The following CHST9 variants were observed in gnomAD, a reference collection of about 807,000 sequenced individuals.
CHST9 encodes GalNAc-4-sulfotransferase 2.
CHST9 carries 41 observed loss-of-function variants against 44.4 expected under a neutral mutation model. The ratio of observed to expected loss-of-function variants is 0.92; its 90% CI spans 0.72 to 1.20. The LOEUF (loss-of-function observed/expected upper bound fraction) is 1.20, where lower values mean the gene tolerates loss of function less well. CHST9 is among the 50% of genes most tolerant of loss of function. CHST9 has a pLI of 0.00. For missense variants in CHST9, 504 were observed against 516.5 expected, an observed-to-expected ratio of 0.98 and a Z score of 0.23; for synonymous variants, 171 against 178.4, an observed-to-expected ratio of 0.96 and a Z score of 0.33.
At position 27,180,049 on chromosome 18, in the gene CHST9, A is replaced by G. The variant is rs114323339; in HGVS notation, c.-97+5087T>C. On this transcript the variant is annotated intron_variant, in intron 1 of 5. Coordinates refer to ENST00000618847, the MANE Select transcript of CHST9 (RefSeq NM_031422.6). ...CATACTTTAAAATTTTCTCCACTCC[A>G]AGAGTCTACATTTGACTTGGCAAAT... Among the ~76,000 whole-genome samples, 736 of 152,208 alleles carry G rather than the reference A, an allele frequency of 4.8e-3. 5 individuals are homozygous for G. The highest frequency in any genetic ancestry group is 0.017 in the African/African-American group (714 of 41,556).
intron 2 of CHST9, among the ~76,000 whole-genome samples, chr18:27,114,869 A>G (rs1305734723): frequency 2.0e-5 from 3 of 152,170 alleles, no homozygotes; most frequent in Admixed American, 6.5e-5. Flanking sequence ...GTGGGTACTG[A>G]TGTGATTTGG....
At chr18:26,977,950 T>C (rs1453400810) in intron 4 of CHST9, among the ~76,000 whole-genome samples, 1 of 152,050 alleles carries the variant, frequency 6.6e-6, no homozygotes, top group East Asian at 1.9e-4. Flanking sequence ...AGCAGGAGTA[T>C]AGAAATACTC....
intron 4 of CHST9, among the ~76,000 whole-genome samples, chr18:26,968,401 A>G (rs2056495022): frequency 6.6e-6 from 1 of 152,180 alleles, no homozygotes; most frequent in South Asian, 2.1e-4. Flanking sequence ...TTTTTAACCA[A>G]CGTTTAAAAA....
At chr18:26,991,635 A>G (rs2056817256) in intron 4 of CHST9, among the ~76,000 whole-genome samples, 1 of 152,062 alleles carries the variant, frequency 6.6e-6, no homozygotes, top group Non-Finnish European at 1.5e-5. Flanking sequence ...AACTAGGGAA[A>G]CAGGAGGAAG....
At chr18:26,978,421 T>C (rs868069962) in intron 4 of CHST9, among the ~76,000 whole-genome samples, 25 of 152,196 alleles carry the variant, frequency 1.6e-4, no homozygotes, top group Admixed American at 8.5e-4. Context: ...GTATTAATAA[T>C]CTTTTCATTT....
At chr18:27,117,590 C>T (rs2058338356) in intron 2 of CHST9, among the ~76,000 whole-genome samples, 1 of 152,296 alleles carries the variant, frequency 6.6e-6, no homozygotes, top group East Asian at 1.9e-4. Context: ...GATGTTTTTA[C>T]TGTCTCCATG....
chr18:27,012,558 G>C (rs1270038514), intron 4 of CHST9, among the ~76,000 whole-genome samples: 1 of 152,046 alleles, frequency 6.6e-6, no homozygotes, highest in Non-Finnish European at 1.5e-5. Flanking sequence ...CATATAATTG[G>C]ATCCATACAG....
chr18:27,022,331 C>T (rs947269318), intron 4 of CHST9, among the ~76,000 whole-genome samples: 1 of 152,098 alleles, frequency 6.6e-6, no homozygotes, highest in Non-Finnish European at 1.5e-5. Flanking sequence ...CTTAGTTTTT[C>T]CCCACTCATC....
At chr18:26,930,312 G>T (rs895425848) in intron 5 of CHST9, among the ~76,000 whole-genome samples, 1 of 152,134 alleles carries the variant, frequency 6.6e-6, no homozygotes, top group African/African-American at 2.4e-5. Flanking sequence ...TTCATTCTGA[G>T]AAAGAATGCA....
chr18:27,024,138 G>A lies in CHST9; in HGVS notation c.180C>T (p.Tyr60=), dbSNP rs368695779. ...KVTSGWGPVK[Y]LRPVPRIMST... is the part of the protein sequence containing the mutation. ...CACTGATTCTGGGTACAGGCCGCAA[G>A]TACTTCACTGGTCCCCATCCTGAAA... The change falls in exon 4 of 6, where the codon TAC becomes TAT. Residue 60 remains tyrosine (Y), a synonymous_variant. Coordinates refer to ENST00000618847, the MANE Select transcript of CHST9 (RefSeq NM_031422.6). The A allele has an allele frequency of 2.6e-5, 42 of 1,612,100 alleles. 1 individual carries two copies. The East Asian group carries it at 7.8e-4, about 30-fold the overall frequency.
At chr18:27,024,238 C>A in intron 3 of CHST9, 81 bp from the exon 4 acceptor site, 2 of 1,066,896 alleles carry the variant, frequency 1.9e-6, no homozygotes, top group Admixed American at 2.4e-5. Context: ...AAAGATGCCT[C>A]AAAGCCTCTC....
chr18:27,069,750 T>C (rs2057819531), intron 2 of CHST9, among the ~76,000 whole-genome samples: 1 of 152,176 alleles, frequency 6.6e-6, no homozygotes, highest in Admixed American at 6.5e-5. Context: ...TGCTACAAAA[T>C]GAAAATTAAA....
At chr18:27,013,800 C>A (rs1235331109) in intron 4 of CHST9, among the ~76,000 whole-genome samples, 1 of 152,114 alleles carries the variant, frequency 6.6e-6, no homozygotes, top group Non-Finnish European at 1.5e-5. Context: ...TCATTTATTT[C>A]TTGAAAATTA....
intron 2 of CHST9, among the ~76,000 whole-genome samples, chr18:27,095,370 C>T (rs1297509472): frequency 6.6e-6 from 1 of 152,120 alleles, no homozygotes; most frequent in Non-Finnish European, 1.5e-5. Flanking sequence ...ACCTATAAGG[C>T]AACCACACAA....
chr18:27,026,630 A>G (rs58771470), intron 3 of CHST9, among the ~76,000 whole-genome samples: 2,670 of 152,258 alleles, frequency 0.018, 75 homozygotes, highest in African/African-American at 0.061. Flanking sequence ...TGTTGGGCTC[A>G]GTCCATACAA....
At chr18:27,171,851 G>A (rs2058835922) in intron 1 of CHST9, among the ~76,000 whole-genome samples, 1 of 151,990 alleles carries the variant, frequency 6.6e-6, no homozygotes. Flanking sequence ...GTTCTACTTT[G>A]CTATTTCTTC....
chr18:27,028,485 G>A (rs62082101), intron 3 of CHST9, among the ~76,000 whole-genome samples: 1,555 of 152,264 alleles, frequency 0.01, 14 homozygotes, highest in Non-Finnish European at 0.017. Flanking sequence ...CAGTCGATAG[G>A]ATATAATGAG....
chr18:27,142,699 T>C lies in CHST9; in HGVS notation c.111A>G (p.Glu37=), dbSNP rs1426624527. 1 of 1,604,916 alleles carries C rather than the reference T, an allele frequency of 6.2e-7. No homozygotes were observed. The highest frequency in any genetic ancestry group is 1.1e-5 in the South Asian group (1 of 88,000). Residue 37 remains glutamate, a synonymous_variant, in exon 2 of 6, where the codon GAA becomes GAG. Transcript: ENST00000618847. ...AAGCACATGTGTTACCTGTATGTTGTTCTTCAATCCAGACTTGCAAATACA... is the reference window on the plus strand; with the variant it reads ...AAGCACATGTGTTACCTGTATGTTGCTCTTCAATCCAGACTTGCAAATACA... The part of the protein sequence containing the change: ...LFMYLQVWIE[E]QHTGRVEKRR...
At position 27,154,320 on chromosome 18, in the gene CHST9, G is replaced by A. The variant is rs1362092854; in HGVS notation, c.-96-11415C>T. Among the ~76,000 whole-genome samples the A allele has an allele frequency of 2.0e-5, 3 of 151,956 alleles. No homozygotes were observed. In the South Asian group the frequency reaches 6.2e-4, roughly 32 times the overall value. ...ATAACCTTGTTTTCTTTTCAGACAA[G>A]AAATATCATTTAAGCACATGGTCAA... On this transcript the variant is annotated intron_variant, in intron 1 of 5. Transcript: ENST00000618847.
Sources: gnomAD v4.1 joint callset for allele counts (sites outside exome capture counted in the v4.1 genomes callset) on GRCh38, gnomAD v4.1.1 for gene constraint, MANE v1.5 for transcripts, NCBI Gene and HGNC (gene_info 2026-07-23, HGNC 2026-07-21) for gene names.